SYT11: variants seen among roughly 807,000 people sequenced by gnomAD.
SYT11 encodes synaptotagmin 11.
Under a neutral mutation model 30.4 loss-of-function variants are expected in SYT11, and 12 were observed. The ratio of observed to expected loss-of-function variants is 0.39; its 90% confidence interval spans 0.25 to 0.64. The LOEUF (loss-of-function observed/expected upper bound fraction) is 0.64. Among genes scored for constraint, SYT11 ranks in the 30% least tolerant of loss-of-function variants. The pLI is 0.45. For missense variants in SYT11, 412 were observed against 552.0 expected, an observed-to-expected ratio of 0.75 and a Z score of 2.54; for synonymous variants, 204 against 216.0, an observed-to-expected ratio of 0.94 and a Z score of 0.49.
intron 3 of SYT11, 45 bp downstream of exon 3, chr1:155,880,668 C>T (rs752692252): frequency 1.4e-5 from 23 of 1,608,354 alleles, no homozygotes; most frequent in South Asian, 5.5e-5. Flanking sequence ...GAACCATCCC[C>T]GACTCCTTGC....
At chr1:155,877,026 AC>A (rs995582034) in intron 2 of SYT11, among the ~76,000 whole-genome samples, 1 of 142,030 alleles carries the variant, frequency 7.0e-6, no homozygotes, top group African/African-American at 2.7e-5. Flanking sequence ...GAGTGCAGTG[AC>A]TACAATCTCG....
At chr1:155,866,461 A>T (rs1288695565) in intron 1 of SYT11, among the ~76,000 whole-genome samples, 1 of 152,328 alleles carries the variant, frequency 6.6e-6, no homozygotes, top group African/African-American at 2.4e-5. Flanking sequence ...AGTGCCTGCT[A>T]TGTGTTTTAA....
Position 155,884,458 on chromosome 1 carries a change from C to G in SYT11, c.*2950C>G, listed in dbSNP as rs544923571. ...GCGGACAGTGCAGGGCTCCTCCCTC[C>G]TACCTCAGGCCTGATCCATCGTGCC... On this transcript the variant is annotated 3_prime_UTR_variant, in exon 4 of 4. Transcript: ENST00000368324. The G allele has an allele frequency of 6.5e-6, 1 of 152,926 alleles. No homozygotes were observed. Among genetic ancestry groups the G allele is most frequent in the South Asian group, 2.1e-4 (1 of 4,828 alleles). 9.5% of individuals were successfully genotyped at this position (152,926 alleles called of 1,614,324 possible).
chr1:155,879,431 T>C (rs1343445127), intron 2 of SYT11, among the ~76,000 whole-genome samples: 1 of 151,976 alleles, frequency 6.6e-6, no homozygotes, highest in Non-Finnish European at 1.5e-5. Context: ...AAAAAAGTTA[T>C]TGGAGGACTA....
chr1:155,867,265 G>T (rs1342788733), intron 1 of SYT11, among the ~76,000 whole-genome samples: 2 of 152,038 alleles, frequency 1.3e-5, no homozygotes, highest in Non-Finnish European at 2.9e-5. Context: ...CACCATGTTG[G>T]TCAGTCTGGT....
chr1:155,865,356 G>A (rs1226756077), intron 1 of SYT11, among the ~76,000 whole-genome samples: 3 of 152,096 alleles, frequency 2.0e-5, no homozygotes, highest in Non-Finnish European at 4.4e-5. Flanking sequence ...GGCCGGGCGC[G>A]GTGGCTCATG....
rs576131880 is a variant in SYT11, at chr1:155,868,882, G to T, written c.861+91G>T. On this transcript the variant is annotated intron_variant, in intron 2 of 3. Coordinates refer to ENST00000368324, the MANE Select transcript of SYT11 (RefSeq NM_152280.5). This position sits in a 1 kb window ranked among gnomAD's most constrained non-coding sequence, Gnocchi z 4.7. Reference sequence around the variant, plus strand: ...TGGAAGTGGGAGGGGAGTGGGTTGGGTGGCAAAGAAGGGCTGTAGAGAGGA... The same window carrying T: ...TGGAAGTGGGAGGGGAGTGGGTTGGTTGGCAAAGAAGGGCTGTAGAGAGGA... 3 of 1,302,436 alleles carry T rather than the reference G, an allele frequency of 2.3e-6. No homozygotes were observed. Among genetic ancestry groups the T allele is most frequent in the East Asian group, 4.9e-5 (2 of 40,738 alleles). 80.7% of individuals were successfully genotyped at this position (1,302,436 alleles called of 1,614,324 possible).
intron 1 of SYT11, among the ~76,000 whole-genome samples, chr1:155,861,394 G>A (rs1672588412): frequency 6.6e-6 from 1 of 152,096 alleles, no homozygotes; most frequent in African/African-American, 2.4e-5. Context: ...CTTGAAAAAA[G>A]GAGATGGTGT....
rs987880374 is a variant in SYT11, at chr1:155,860,321, G to C, written c.34+526G>C. ...CTCTGGGGAAAGAGGGGTGCGGGGT[G>C]GGGAGCAAAAAGGAAGCCACTCCTT... On this transcript the variant is annotated intron_variant, in intron 1 of 3. Transcript: ENST00000368324. The surrounding 1 kb of genome is among the most constrained non-coding windows in gnomAD (Gnocchi z 4.1). Among the ~76,000 whole-genome samples the C allele has an allele frequency of 6.6e-6, 1 of 152,162 alleles. No homozygotes were observed. Among genetic ancestry groups the C allele is most frequent in the Non-Finnish European group, 1.5e-5 (1 of 68,022 alleles).
chr1:155,859,823 G>C (rs1175753379), intron 1 of SYT11, 28 bp downstream of exon 1: 4 of 1,611,882 alleles, frequency 2.5e-6, no homozygotes, highest in Non-Finnish European at 3.4e-6. Flanking sequence ...AACTAAGCTT[G>C]AGGTGGTCAG....
Position 155,874,798 on chromosome 1 carries a change from G to A in SYT11, c.862-5702G>A, listed in dbSNP as rs950714956. On this transcript the variant is annotated intron_variant, in intron 2 of 3. Coordinates refer to ENST00000368324, the MANE Select transcript of SYT11 (RefSeq NM_152280.5). ...CCAGCTACTCAGGAGGCTGAGCCAG[G>A]AGAATGGCCTGAACCCGGGAGGCAG... Among the ~76,000 whole-genome samples the A allele has an allele frequency of 1.1e-4, 16 of 149,938 alleles. 1 individual carries two copies. The highest frequency in any genetic ancestry group is 1.3e-4 in the Non-Finnish European group (9 of 67,168).
At chr1:155,867,729 G>A (rs1557946940) in intron 1 of SYT11, among the ~76,000 whole-genome samples, 1 of 152,214 alleles carries the variant, frequency 6.6e-6, no homozygotes, top group Non-Finnish European at 1.5e-5. Context: ...GTCAAGTGGG[G>A]TGCTTCAGAG....
chr1:155,881,586 G>A lies in SYT11; in HGVS notation c.*78G>A. 7.3e-7 allele frequency: 1 copy of A among 1,375,202 alleles called. No individual in the cohort carries two copies. Among genetic ancestry groups the A allele is most frequent in the Non-Finnish European group, 9.9e-7 (1 of 1,013,796 alleles). 85.2% of individuals were successfully genotyped at this position (1,375,202 alleles called of 1,614,324 possible). A position where few individuals can be genotyped will look rare whatever the true frequency, so the allele number is the denominator to read the frequency against. On this transcript the variant is annotated 3_prime_UTR_variant, in exon 4 of 4. Coordinates refer to ENST00000368324, the MANE Select transcript of SYT11 (RefSeq NM_152280.5). ...AGGGGAAAAAGATGACAGAGAAGTG[G>A]ACTCCAAACCTCATTTTAGTTGTAG...
chr1:155,876,963 TC>T (rs1291452312), intron 2 of SYT11, among the ~76,000 whole-genome samples: 9 of 99,898 alleles, frequency 9.0e-5, no homozygotes, highest in Non-Finnish European at 1.7e-4. Flanking sequence ...TTTTTCTATT[TC>T]TTTTTTTTTT....
intron 2 of SYT11, among the ~76,000 whole-genome samples, chr1:155,878,293 G>C (rs1336299420): frequency 1.3e-5 from 2 of 152,094 alleles, no homozygotes; most frequent in Non-Finnish European, 2.9e-5. Flanking sequence ...CCTCTTGTAT[G>C]GGTGCTGCTG....
At chr1:155,878,242 C>CA (rs1419982611) in intron 2 of SYT11, among the ~76,000 whole-genome samples, 1 of 152,070 alleles carries the variant, frequency 6.6e-6, no homozygotes, top group Admixed American at 6.5e-5. Context: ...GACCCTGACT[C>CA]AAAAAAATGA....
At chr1:155,873,802 G>A (rs936854506) in intron 2 of SYT11, among the ~76,000 whole-genome samples, 1 of 152,148 alleles carries the variant, frequency 6.6e-6, no homozygotes, top group African/African-American at 2.4e-5. Context: ...AAATAGGCAC[G>A]TGTAGCTAGT....
intron 1 of SYT11, 61 bp from the exon 2 acceptor site, chr1:155,867,904 G>A: frequency 7.8e-7 from 1 of 1,275,436 alleles, no homozygotes; most frequent in Non-Finnish European, 1.1e-6. Context: ...AATGAGCAGG[G>A]GAGATCTAGA....
intron 2 of SYT11, among the ~76,000 whole-genome samples, chr1:155,870,681 G>T (rs1313031442): frequency 3.9e-5 from 6 of 152,194 alleles, no homozygotes; most frequent in Non-Finnish European, 8.8e-5. Flanking sequence ...TGCAGAGTGT[G>T]CAGTGAGTAC....
Sources: allele counts gnomAD v4.1 joint callset (sites outside exome capture counted in the v4.1 genomes callset), GRCh38; gene constraint gnomAD v4.1.1; non-coding constraint Gnocchi (gnomAD v3.1); transcripts MANE v1.5; gene names NCBI Gene and HGNC (gene_info 2026-07-23, HGNC 2026-07-21).